The following MB variants were observed in gnomAD, a reference collection of about 807,000 sequenced individuals.
The protein encoded by MB is nitrite reductase MB.
In MB, 10 loss-of-function variants were observed where a neutral mutation model predicts 14.5. The observed-to-expected ratio is 0.69, with a 90% confidence interval of 0.43 to 1.17. The LOEUF is 1.17. Among genes scored for constraint, MB ranks in the 50% most tolerant of loss-of-function variants. MB has a pLI of 0.00. For missense variants in MB, 169 were observed against 192.7 expected, an observed-to-expected ratio of 0.88 and a Z score of 0.73; for synonymous variants, 89 against 78.6, an observed-to-expected ratio of 1.13 and a Z score of -0.70.
chr22:35,620,578 G>A (rs763029166), upstream of MB, among the ~76,000 whole-genome samples: 47 of 152,302 alleles, frequency 3.1e-4, no homozygotes, highest in South Asian at 2.3e-3. Flanking sequence ...GAGAGAGGAG[G>A]GCAGAAAGAA....
intron 1 of MB, among the ~76,000 whole-genome samples, chr22:35,611,414 T>C (rs1383271412): frequency 6.6e-6 from 1 of 152,210 alleles, no homozygotes; most frequent in Non-Finnish European, 1.5e-5. Context: ...CAGCTCACTA[T>C]TGCAGGGGTG....
chr22:35,616,260 G>A (rs1923072410), intron 1 of MB, among the ~76,000 whole-genome samples: 1 of 152,172 alleles, frequency 6.6e-6, no homozygotes, highest in African/African-American at 2.4e-5. Context: ...TCACCTTTGG[G>A]ATAGAAGGCA....
rs1433228592 is a variant in MB at position 35,608,047 on chromosome 22, G to A, written c.319-604C>T. 6.6e-6 allele frequency among the ~76,000 whole-genome samples: 1 copy of A among 152,184 alleles called. No homozygotes were observed. The highest frequency in any genetic ancestry group is 6.5e-5 in the Admixed American group (1 of 15,274). ...GAAGGAGAGAGAGGAAGAAGACAGG[G>A]ATGAGGCCCGCGGCTGGCTCCCAGG... On this transcript the variant is annotated intron_variant, in intron 2 of 2. Coordinates refer to ENST00000397326, the MANE Select transcript of MB (RefSeq NM_005368.3). The surrounding 1 kb of genome is among the most constrained non-coding windows in gnomAD (Gnocchi z 4.3).
intron 2 of MB, among the ~76,000 whole-genome samples, chr22:35,610,574 G>A (rs1374711806): frequency 6.6e-6 from 1 of 152,204 alleles, no homozygotes; most frequent in African/African-American, 2.4e-5. Flanking sequence ...AAGTGGATAT[G>A]ATAATGGTAC....
chr22:35,611,858 T>A (rs1005030176), intron 1 of MB, among the ~76,000 whole-genome samples: 7 of 152,018 alleles, frequency 4.6e-5, no homozygotes, highest in Admixed American at 1.3e-4. Context: ...CCTGCCCACC[T>A]CCAGCTTTAG....
In MB at chr22:35,608,356, T is replaced by A. The variant is rs1212601523; in HGVS notation, c.319-913A>T. ...CAGGAAGCAGAGAGCAGAGATGGAT[T>A]TGCGCCCAGGAGGCTGTGGGCAGGC... is the stretch of plus-strand genomic sequence containing the variant. On this transcript the variant is annotated intron_variant, in intron 2 of 2. Coordinates refer to ENST00000397326, the MANE Select transcript of MB (RefSeq NM_005368.3). The surrounding 1 kb of genome is among the most constrained non-coding windows in gnomAD (Gnocchi z 4.3). 6.6e-6 allele frequency among the ~76,000 whole-genome samples: 1 copy of A among 152,202 alleles called. No homozygotes were observed. Among genetic ancestry groups the A allele is most frequent in the African/African-American group, 2.4e-5 (1 of 41,460 alleles).
chr22:35,615,712 G>A (rs5755793), intron 1 of MB: 102,491 of 152,140 alleles, frequency 0.67, 36,116 homozygotes, highest in East Asian at 0.93. Context: ...GAGAAATAAG[G>A]CCCAGAGGTG....
chr22:35,610,774 G>A, intron 2 of MB, 110 bp downstream of exon 2: 4 of 806,916 alleles, frequency 5.0e-6, no homozygotes, highest in Non-Finnish European at 8.1e-6. Flanking sequence ...GAGAAGAGTG[G>A]CATAGGTCAT....
intron 1 of MB, among the ~76,000 whole-genome samples, chr22:35,613,822 C>T (rs1922845186): frequency 6.6e-6 from 1 of 152,154 alleles, no homozygotes; most frequent in African/African-American, 2.4e-5. Context: ...AACAGCAGAG[C>T]AGAATCGGGC....
At chr22:35,611,214 C>A in intron 1 of MB, 108 bp from the exon 2 acceptor site, 1 of 758,300 alleles carries the variant, frequency 1.3e-6, no homozygotes, top group South Asian at 1.6e-5. Flanking sequence ...GCTGTGTGAC[C>A]TTGGGCCATT....
chr22:35,615,024 G>A (rs1381427842), intron 1 of MB, among the ~76,000 whole-genome samples: 1 of 152,208 alleles, frequency 6.6e-6, no homozygotes. Flanking sequence ...CACTCCTGGA[G>A]CCAGAATCTC....
At position 35,617,320 on chromosome 22, in the gene MB, G is replaced by C; in HGVS notation, c.-63C>G. 1.4e-6 allele frequency: 2 copies of C among 1,384,026 alleles called. No individual in the cohort carries two copies. Among genetic ancestry groups the C allele is most frequent in the Non-Finnish European group, 2.1e-6 (2 of 973,776 alleles). 85.7% of individuals were successfully genotyped at this position (1,384,026 alleles called of 1,614,324 possible). On this transcript the variant is annotated 5_prime_UTR_variant, in exon 1 of 3. Transcript: ENST00000397326. ...CTCACTGGGTGTCCTGGCCCCAACA[G>C]CTGGGGTTTGAGGCTGCCTGGTCCC...
At position 35,607,187 on chromosome 22, in the gene MB, A is replaced by C. The variant is rs1922202678; in HGVS notation, c.*110T>G. 1.5e-6 allele frequency: 2 copies of C among 1,317,156 alleles called. No homozygotes were observed. The highest frequency in any genetic ancestry group is 4.5e-5 in the Admixed American group (2 of 44,340). The allele number at this position is 1,317,156 out of a possible 1,614,324, so 81.6% of individuals were successfully genotyped here. ...CCCTCAGCTCCTCCTGCCCACCTCT[A>C]CTAAACAAAGCAGACACTCAGAAGC... On this transcript the variant is annotated 3_prime_UTR_variant, in exon 3 of 3. Coordinates refer to ENST00000397326, the MANE Select transcript of MB (RefSeq NM_005368.3).
In MB at chr22:35,606,926, A is replaced by G. The variant is rs575089859; in HGVS notation, c.*371T>C. ...TTCTGCTGTCTTCAAGGGGCCAGTG[A>G]TTAATCAGACAATTGCTACTGTCAG... On this transcript the variant is annotated 3_prime_UTR_variant, in exon 3 of 3. Transcript: ENST00000397326. The G allele has an allele frequency of 6.2e-4, 111 of 177,890 alleles. No individual in the cohort carries two copies. The highest frequency in any genetic ancestry group is 2.6e-3 in the African/African-American group (110 of 42,672). 11.0% of individuals were successfully genotyped at this position (177,890 alleles called of 1,614,324 possible).
At chr22:35,617,654 C>T (rs1342144361), upstream of MB, 2 of 192,098 alleles carry the variant, frequency 1.0e-5, no homozygotes, top group Admixed American at 5.7e-5. Flanking sequence ...AAACCCAACG[C>T]TCCCTGCGGT....
chr22:35,611,035 A>T lies in MB; in HGVS notation c.167T>A (p.Met56Lys), dbSNP rs1197042695. Residue 56 changes from methionine to lysine, a missense_variant, in exon 2 of 3, where the codon ATG becomes AAG. Physicochemically the swap from Met to Lys is moderately conservative, Grantham distance 95. Transcript: ENST00000397326. ...CTTCTTTAAGTCCTCAGACGCCTTC[A>T]TCTCGTCCTCTGACTTCAGGTGCTT... is the stretch of plus-strand genomic sequence containing the variant. ...KFKHLKSEDE[M>K]KASEDLKKHG... 1 of 1,614,104 alleles carries T rather than the reference A, an allele frequency of 6.2e-7. No homozygotes were observed. The highest frequency in any genetic ancestry group is 8.5e-7 in the Non-Finnish European group (1 of 1,179,988).
Position 35,617,305 on chromosome 22 carries a change from G to A in MB, c.-48C>T, listed in dbSNP as rs1161334490. 2.0e-6 allele frequency: 3 copies of A among 1,485,984 alleles called. No homozygotes were observed. Among genetic ancestry groups the A allele is most frequent in the Non-Finnish European group, 2.8e-6 (3 of 1,064,092 alleles). 92.0% of individuals were successfully genotyped at this position (1,485,984 alleles called of 1,614,324 possible). On this transcript the variant is annotated 5_prime_UTR_variant, in exon 1 of 3. Transcript: ENST00000397326. Reference sequence around the variant, plus strand: ...AAGAGCAAGTATGGGCTCACTGGGTGTCCTGGCCCCAACAGCTGGGGTTTG... The same window carrying A: ...AAGAGCAAGTATGGGCTCACTGGGTATCCTGGCCCCAACAGCTGGGGTTTG...
Position 35,607,168 on chromosome 22 carries a change from G to T in MB, c.*129C>A. On this transcript the variant is annotated 3_prime_UTR_variant, in exon 3 of 3. Coordinates refer to ENST00000397326, the MANE Select transcript of MB (RefSeq NM_005368.3). ...TCAACACCCCAGCCCCAGCCCCTCAGCTCCTCCTGCCCACCTCTACTAAAC... is the reference window on the plus strand; with the variant it reads ...TCAACACCCCAGCCCCAGCCCCTCATCTCCTCCTGCCCACCTCTACTAAAC... 8.9e-7 allele frequency: 1 copy of T among 1,128,616 alleles called. No individual in the cohort carries two copies. The highest frequency in any genetic ancestry group is 1.2e-6 in the Non-Finnish European group (1 of 808,258). The allele number at this position is 1,128,616 out of a possible 1,614,324, so 69.9% of individuals were successfully genotyped here.
At position 35,617,241 on chromosome 22, in the gene MB, C is replaced by T. The variant is rs1923144476; in HGVS notation, c.17G>A (p.Gly6Glu). 6.2e-7 allele frequency: 1 copy of T among 1,614,008 alleles called. No individual in the cohort carries two copies. The highest frequency in any genetic ancestry group is 8.5e-7 in the Non-Finnish European group (1 of 1,179,996). MGLSD[G>E]EWQLVLNVWG... ...GACGTTCAGCACCAACTGCCATTCC[C>T]CGTCGCTGAGCCCCATGGCGCAGTC... The change falls in exon 1 of 3, where the codon GGG becomes GAG. Residue 6 changes from glycine (G) to glutamate (E), a missense_variant. Coordinates refer to ENST00000397326, the MANE Select transcript of MB (RefSeq NM_005368.3).
Sources: gnomAD v4.1 joint callset for allele counts (sites outside exome capture counted in the v4.1 genomes callset) on GRCh38, gnomAD v4.1.1 for gene constraint, Gnocchi (gnomAD v3.1) non-coding constraint, MANE v1.5 for transcripts, NCBI Gene and HGNC (gene_info 2026-07-23, HGNC 2026-07-21) for gene names.